NAV3: variants seen among roughly 807,000 people sequenced by gnomAD.
NAV3 encodes neuron navigator 3.
A neutral mutation model predicts 244.7 loss-of-function variants in NAV3; 87 were observed. The ratio of observed to expected loss-of-function variants is 0.36; its 90% confidence interval spans 0.30 to 0.42. The LOEUF is 0.42. NAV3 is among the 20% of genes least tolerant of loss of function. NAV3 has a pLI of 1.00. For missense variants in NAV3, 2,663 were observed against 2,893.3 expected, an observed-to-expected ratio of 0.92 and a Z score of 1.83; for synonymous variants, 1,126 against 1,042.2, an observed-to-expected ratio of 1.08 and a Z score of -1.55.
upstream of NAV3, among the ~76,000 whole-genome samples, chr12:77,830,449 T>G (rs1402060590): frequency 6.6e-6 from 1 of 152,250 alleles, no homozygotes; most frequent in Non-Finnish European, 1.5e-5. Flanking sequence ...AATGTGATAA[T>G]GCATAAAATG....
At chr12:77,936,743 A>G (rs763918434) in intron 1 of NAV3, among the ~76,000 whole-genome samples, 3 of 152,072 alleles carry the variant, frequency 2.0e-5, no homozygotes, top group South Asian at 4.1e-4. Context: ...ATCCTGTTGT[A>G]TTTATTTAAA....
At chr12:77,858,553 A>G (rs1289229267) in intron 1 of NAV3, among the ~76,000 whole-genome samples, 1 of 152,062 alleles carries the variant, frequency 6.6e-6, no homozygotes, top group Non-Finnish European at 1.5e-5. Context: ...TTGAAGATAG[A>G]TTGGGAACTC....
chr12:77,784,127 A>T (rs958821730), intron 2 of NAV3, among the ~76,000 whole-genome samples: 2 of 152,188 alleles, frequency 1.3e-5, no homozygotes, highest in Non-Finnish European at 2.9e-5. Flanking sequence ...CTATGTACCC[A>T]AAGGACTTAG....
Position 78,210,576 on chromosome 12 carries a change from G to C in NAV3, c.*59G>C. 6.3e-7 allele frequency: 1 copy of C among 1,588,706 alleles called. No homozygotes were observed. The highest frequency in any genetic ancestry group is 1.1e-5 in the South Asian group (1 of 87,654). ...TTTAAAAAAATGTTTCAAAAGAAAG[G>C]TATTTTCACTAAACCACTGCCAGTA... On this transcript the variant is annotated 3_prime_UTR_variant, in exon 40 of 40. Coordinates refer to ENST00000397909, the MANE Select transcript of NAV3 (RefSeq NM_001024383.2).
Position 78,066,684 on chromosome 12 carries a change from T to C in NAV3, c.2636+7569T>C, listed in dbSNP as rs76772776. Reference sequence around the variant, plus strand: ...TAACTTCACATTTATACTATTTTCATATATAATCATGCTTTTATTGAAAGT... The same window carrying C: ...TAACTTCACATTTATACTATTTTCACATATAATCATGCTTTTATTGAAAGT... On this transcript the variant is annotated intron_variant, in intron 12 of 39. Transcript: ENST00000397909. Among the ~76,000 whole-genome samples the C allele has an allele frequency of 8.2e-3, 1,255 of 152,246 alleles. 10 individuals are homozygous for C. The highest frequency in any genetic ancestry group is 0.029 in the African/African-American group (1,185 of 41,552).
chr12:77,766,694 C>G (rs1235676861), intron 2 of NAV3, among the ~76,000 whole-genome samples: 1 of 141,130 alleles, frequency 7.1e-6, no homozygotes. Context: ...AGGGTTTGGT[C>G]CAACTTAAAA....
intron 2 of NAV3, among the ~76,000 whole-genome samples, chr12:77,763,471 C>T (rs1869590445): frequency 6.6e-6 from 1 of 152,112 alleles, no homozygotes; most frequent in South Asian, 2.1e-4. Flanking sequence ...TGTAGACCAG[C>T]ATCATCATCA....
intron 23 of NAV3, among the ~76,000 whole-genome samples, chr12:78,163,144 C>T (rs1313721575): frequency 6.6e-6 from 1 of 151,472 alleles, no homozygotes; most frequent in Non-Finnish European, 1.5e-5. Context: ...AATTAAGACT[C>T]AGATTCTAGT....
intron 2 of NAV3, among the ~76,000 whole-genome samples, chr12:77,696,857 G>A (rs1394219938): frequency 6.6e-6 from 1 of 152,060 alleles, no homozygotes; most frequent in Non-Finnish European, 1.5e-5. Context: ...CTTCTACTTG[G>A]TTAAAGAGTT....
chr12:77,639,140 T>A (rs1872282389), intron 2 of NAV3, among the ~76,000 whole-genome samples: 1 of 152,174 alleles, frequency 6.6e-6, no homozygotes, highest in Non-Finnish European at 1.5e-5. Context: ...CTGGACTATC[T>A]CCATTTGGAT....
intron 12 of NAV3, among the ~76,000 whole-genome samples, chr12:78,077,178 A>T (rs1277039052): frequency 6.6e-6 from 1 of 152,084 alleles, no homozygotes; most frequent in Non-Finnish European, 1.5e-5. Flanking sequence ...ACTCCTTGAT[A>T]CTAATTCTGT....
At chr12:77,668,214 C>A (rs73427437) in intron 2 of NAV3, among the ~76,000 whole-genome samples, 2,543 of 152,158 alleles carry the variant, frequency 0.017, 77 homozygotes, top group African/African-American at 0.058. Flanking sequence ...GTAATATGAC[C>A]AAACAAAGTT....
intron 2 of NAV3, among the ~76,000 whole-genome samples, chr12:77,660,173 T>C (rs1008828985): frequency 8.5e-5 from 13 of 152,168 alleles, no homozygotes; most frequent in Non-Finnish European, 1.6e-4. Flanking sequence ...TATATAAAAT[T>C]AATGTATCAG....
chr12:78,019,022 A>T lies in NAV3; in HGVS notation c.1908-2725A>T, dbSNP rs541592963. Among the ~76,000 whole-genome samples, 8 of 152,276 alleles carry T rather than the reference A, an allele frequency of 5.3e-5. No homozygotes were observed. The South Asian group carries it at 1.4e-3, about 28-fold the overall frequency. ...GAAGAGAAAGAAACAGCCTACACAAAGAGCAGATATATTTGCTCTTTTAAT... is the reference window on the plus strand; with the variant it reads ...GAAGAGAAAGAAACAGCCTACACAATGAGCAGATATATTTGCTCTTTTAAT... On this transcript the variant is annotated intron_variant, in intron 8 of 39. Transcript: ENST00000397909.
At chr12:77,717,278 T>C (rs939245439) in intron 2 of NAV3, among the ~76,000 whole-genome samples, 3 of 152,046 alleles carry the variant, frequency 2.0e-5, no homozygotes, top group African/African-American at 7.2e-5. Flanking sequence ...ACTCCCTATT[T>C]TCCTCTCTCC....
chr12:77,988,358 T>C (rs1417493884), intron 5 of NAV3, among the ~76,000 whole-genome samples: 1 of 152,186 alleles, frequency 6.6e-6, no homozygotes, highest in Non-Finnish European at 1.5e-5. Context: ...TTTCTTTCCT[T>C]ACAATAAATG....
chr12:77,925,030 C>G (rs1345178136), intron 1 of NAV3, among the ~76,000 whole-genome samples: 3 of 151,974 alleles, frequency 2.0e-5, no homozygotes, highest in Non-Finnish European at 4.4e-5. Context: ...ACTCCAGGCT[C>G]CATACTTTCC....
chr12:77,854,782 G>T (rs540622541), intron 1 of NAV3, among the ~76,000 whole-genome samples: 2 of 151,970 alleles, frequency 1.3e-5, no homozygotes, highest in Non-Finnish European at 2.9e-5. Flanking sequence ...ATCATATACC[G>T]TCTAAATATT....
At position 78,199,539 on chromosome 12, in the gene NAV3, C is replaced by A. The variant is rs1489820821; in HGVS notation, c.6715+8C>A. 1.3e-6 allele frequency: 2 copies of A among 1,556,778 alleles called. No individual in the cohort carries two copies. Among genetic ancestry groups the A allele is most frequent in the Non-Finnish European group, 1.7e-6 (2 of 1,156,296 alleles). ...CTTCTGACGTTACCATTGGTGAGTT[C>A]CAAAATTATAATATGCCATTTTCCA... On this transcript the variant is annotated splice_region_variant and intron_variant, in intron 37 of 39. Coordinates refer to ENST00000397909, the MANE Select transcript of NAV3 (RefSeq NM_001024383.2).
Sources: gnomAD v4.1 joint callset for allele counts (sites outside exome capture counted in the v4.1 genomes callset) on GRCh38, gnomAD v4.1.1 for gene constraint, MANE v1.5 for transcripts, NCBI Gene and HGNC (gene_info 2026-07-23, HGNC 2026-07-21) for gene names.